The following CREB5 variants were observed in gnomAD, a reference collection of about 807,000 sequenced individuals.
CREB5 encodes the protein cAMP responsive element binding protein 5.
CREB5 carries 19 observed loss-of-function variants against 57.1 expected under a neutral mutation model. That is an observed-to-expected ratio of 0.33 (90% CI 0.23 to 0.49). The LOEUF is 0.49. Ranked by LOEUF, CREB5 falls within the 20% of genes least tolerant of loss-of-function variation. The pLI is 0.99. For missense variants in CREB5, 579 were observed against 671.6 expected, an observed-to-expected ratio of 0.86 and a Z score of 1.52; for synonymous variants, 238 against 238.3, an observed-to-expected ratio of 1.00 and a Z score of 0.01.
chr7:28,670,020 A>T (rs1275384719), intron 5 of CREB5, among the ~76,000 whole-genome samples: 1 of 152,194 alleles, frequency 6.6e-6, no homozygotes, highest in African/African-American at 2.4e-5. Context: ...CATGCGAGAG[A>T]AAGTAAAACG....
At chr7:28,730,018 A>C (rs1290883462) in intron 7 of CREB5, among the ~76,000 whole-genome samples, 2 of 152,232 alleles carry the variant, frequency 1.3e-5, no homozygotes, top group Non-Finnish European at 2.9e-5. Flanking sequence ...ACTTGTATGT[A>C]TGCTGTGTCT....
chr7:28,700,974 A>C (rs1019452621), intron 5 of CREB5, among the ~76,000 whole-genome samples: 1 of 151,806 alleles, frequency 6.6e-6, no homozygotes, highest in African/African-American at 2.4e-5. Flanking sequence ...AAAAAAAAAA[A>C]AACAACCCAC....
chr7:28,758,391 A>T (rs539226187), intron 7 of CREB5, among the ~76,000 whole-genome samples: 1 of 152,256 alleles, frequency 6.6e-6, no homozygotes, highest in South Asian at 2.1e-4. Context: ...TGTTGTTGTT[A>T]TCCTTGGCTG....
intron 7 of CREB5, among the ~76,000 whole-genome samples, chr7:28,788,762 G>A (rs1807483246): frequency 1.3e-5 from 2 of 151,640 alleles, no homozygotes; most frequent in African/African-American, 4.9e-5. Flanking sequence ...AGGGTAGAAG[G>A]AATCTTTGGG....
intron 5 of CREB5, among the ~76,000 whole-genome samples, chr7:28,685,465 CAG>C (rs1159524884): frequency 1.3e-5 from 2 of 152,084 alleles, no homozygotes; most frequent in Non-Finnish European, 2.9e-5. Flanking sequence ...CATTCAGCAA[CAG>C]AAAATCCCAT....
chr7:28,806,316 T>C (rs1808730097), intron 8 of CREB5, among the ~76,000 whole-genome samples: 1 of 152,208 alleles, frequency 6.6e-6, no homozygotes, highest in Non-Finnish European at 1.5e-5. Flanking sequence ...AGGTTGGTCT[T>C]GCTAAAATTT....
rs776577343 is a variant in CREB5 at position 28,819,327 on chromosome 7, C to T, written c.*48C>T. 8.4e-6 allele frequency: 13 copies of T among 1,554,936 alleles called. No homozygotes were observed. The highest frequency in any genetic ancestry group is 2.3e-5 in the East Asian group (1 of 44,224). Reference sequence around the variant, plus strand: ...CCAAGAAGAGCTGTAGCGTACCATGCGTCCTTTCTTTTAAGGGCATTTTTA... The same window carrying T: ...CCAAGAAGAGCTGTAGCGTACCATGTGTCCTTTCTTTTAAGGGCATTTTTA... On this transcript the variant is annotated 3_prime_UTR_variant, in exon 11 of 11. Coordinates refer to ENST00000357727, the MANE Select transcript of CREB5 (RefSeq NM_182898.4).
intron 1 of CREB5, among the ~76,000 whole-genome samples, chr7:28,417,302 T>C (rs1351082604): frequency 1.3e-5 from 2 of 151,982 alleles, no homozygotes; most frequent in Non-Finnish European, 2.9e-5. Flanking sequence ...TTTAAACATA[T>C]AATCCATATA....
rs551229784 is a variant in CREB5 at position 28,463,311 on chromosome 7, C to T, written c.4-24864C>T. Among the ~76,000 whole-genome samples, 569 of 152,192 alleles carry T rather than the reference C, an allele frequency of 3.7e-3. 2 individuals carry two copies. The highest frequency in any genetic ancestry group is 0.012 in the African/African-American group (480 of 41,520). The stretch of plus-strand genomic sequence containing the variant: ...TGTATGTCTATCCTTATGCCAGTAC[C>T]GCACTGTCTTGATTACTGTTGCTCT... On this transcript the variant is annotated intron_variant, in intron 1 of 10. Coordinates refer to ENST00000357727, the MANE Select transcript of CREB5 (RefSeq NM_182898.4).
At chr7:28,451,162 A>G (rs554575680) in intron 1 of CREB5, among the ~76,000 whole-genome samples, 50 of 152,290 alleles carry the variant, frequency 3.3e-4, no homozygotes, top group African/African-American at 1.2e-3. Flanking sequence ...AAGTAGAAGT[A>G]AAATTATGAT....
chr7:28,603,741 A>G (rs1797011972), intron 5 of CREB5, among the ~76,000 whole-genome samples: 1 of 152,192 alleles, frequency 6.6e-6, no homozygotes, highest in African/African-American at 2.4e-5. Flanking sequence ...TTAGTTCGTT[A>G]CTTAGTCCGT....
intron 1 of CREB5, among the ~76,000 whole-genome samples, chr7:28,366,673 CA>C (rs1583400944): frequency 6.6e-6 from 1 of 152,208 alleles, no homozygotes; most frequent in Non-Finnish European, 1.5e-5. Flanking sequence ...ACTTTCAACT[CA>C]GTTAAGTTCT....
At chr7:28,411,822 T>C (rs952984221), upstream of CREB5, among the ~76,000 whole-genome samples, 1 of 152,212 alleles carries the variant, frequency 6.6e-6, no homozygotes, top group Non-Finnish European at 1.5e-5. Context: ...TGGGGTCTAA[T>C]TGACATCCTT....
intron 5 of CREB5, among the ~76,000 whole-genome samples, chr7:28,637,493 C>T (rs1424086675): frequency 1.3e-5 from 2 of 152,008 alleles, no homozygotes; most frequent in Non-Finnish European, 2.9e-5. Context: ...GTGAAAGAAA[C>T]AAGTAAGATG....
chr7:28,376,736 C>T (rs1479183982), intron 1 of CREB5, among the ~76,000 whole-genome samples: 1 of 152,146 alleles, frequency 6.6e-6, no homozygotes, highest in African/African-American at 2.4e-5. Context: ...AATAGTCTCC[C>T]TTCAGCCTCA....
chr7:28,511,843 T>C (rs77198888), intron 4 of CREB5, among the ~76,000 whole-genome samples: 5,823 of 152,266 alleles, frequency 0.038, 194 homozygotes, highest in Non-Finnish European at 0.056. Context: ...GAAGATCACT[T>C]TGGCTGCTGA....
chr7:28,770,198 A>T lies in CREB5; in HGVS notation c.703-34001A>T, dbSNP rs1285649997. Among the ~76,000 whole-genome samples the T allele has an allele frequency of 2.0e-5, 3 of 152,230 alleles. No homozygotes were observed. The South Asian group carries it at 6.2e-4, about 32-fold the overall frequency. On this transcript the variant is annotated intron_variant, in intron 7 of 10. Coordinates refer to ENST00000357727, the MANE Select transcript of CREB5 (RefSeq NM_182898.4). ...GAAAGGGGAGAGAAGAGTGGAGTTA[A>T]TATGACAGGGCTTCAGCTTCAACTT...
At chr7:28,724,636 G>T in intron 7 of CREB5, 1 of 231,118 alleles carries the variant, frequency 4.3e-6, no homozygotes, top group Non-Finnish European at 8.5e-6. Flanking sequence ...CTCAGCATGT[G>T]AAATAATAAA....
chr7:28,646,910 A>G (rs920811660), intron 5 of CREB5, among the ~76,000 whole-genome samples: 14 of 152,206 alleles, frequency 9.2e-5, no homozygotes, highest in Admixed American at 8.5e-4. Flanking sequence ...CACTCTTTGC[A>G]TCTGGGCTTA....
Sources: allele counts gnomAD v4.1 joint callset (sites outside exome capture counted in the v4.1 genomes callset), GRCh38; gene constraint gnomAD v4.1.1; transcripts MANE v1.5; gene names NCBI Gene and HGNC (gene_info 2026-07-23, HGNC 2026-07-21).